The following CAMTA1 variants were observed in gnomAD, a reference collection of about 807,000 sequenced individuals.
The protein encoded by CAMTA1 is calmodulin binding transcription activator 1, also known as calmodulin-binding transcription activator 1.
A neutral mutation model predicts 170.9 loss-of-function variants in CAMTA1; 27 were observed. The ratio of observed to expected loss-of-function variants is 0.16; its 90% CI spans 0.12 to 0.22. CAMTA1 has a LOEUF of 0.22. CAMTA1 is among the 10% of genes least tolerant of loss of function. The probability of loss-of-function intolerance (pLI) is 1.00; values close to 1 mark genes in which losing one functional copy is unlikely to be tolerated. For missense variants in CAMTA1, 1,619 were observed against 2,217.2 expected (o/e 0.73, Z 5.42); for synonymous variants, 833 against 891.5 (o/e 0.93, Z 1.17).
intron 1 of CAMTA1, among the ~76,000 whole-genome samples, chr1:6,817,325 T>G (rs949761530): frequency 1.3e-5 from 2 of 152,236 alleles, no homozygotes; most frequent in Admixed American, 1.3e-4. Context: ...TAAGACATTA[T>G]TTTTAACATC....
At chr1:7,692,339 C>A (rs2096325309) in intron 11 of CAMTA1, among the ~76,000 whole-genome samples, 1 of 152,088 alleles carries the variant, frequency 6.6e-6, no homozygotes, top group Admixed American at 6.5e-5. Flanking sequence ...AAGCACTTTT[C>A]TTCCTGGAGC....
intron 5 of CAMTA1, among the ~76,000 whole-genome samples, chr1:7,256,538 C>T (rs1197325507): frequency 1.3e-5 from 2 of 151,870 alleles, no homozygotes; most frequent in Non-Finnish European, 2.9e-5. Context: ...CCAGCCTGGG[C>T]GACAGCGAGA....
chr1:6,789,127 G>C (rs1317229571), intron 1 of CAMTA1, among the ~76,000 whole-genome samples: 1 of 152,132 alleles, frequency 6.6e-6, no homozygotes, highest in Non-Finnish European at 1.5e-5. Context: ...TCATCATTGA[G>C]TGGATTCAAA....
intron 6 of CAMTA1, among the ~76,000 whole-genome samples, chr1:7,498,411 GTA>G (rs2093878749): frequency 1.3e-5 from 2 of 150,530 alleles, no homozygotes; most frequent in Non-Finnish European, 3.0e-5. Flanking sequence ...GTATGAGTGT[GTA>G]TGAGTGTGTG....
In CAMTA1 at chr1:7,249,951, G is replaced by A. The variant is rs1666369002; in HGVS notation, c.438+325G>A. The stretch of plus-strand genomic sequence containing the variant: ...TCTGGATGCATTGAGAGTTTGCAAA[G>A]TGTCAGGGAAGAGGGGAGGCAGCGT... On this transcript the variant is annotated intron_variant, in intron 5 of 22. Transcript: ENST00000303635. The surrounding 1 kb of genome is among the most constrained non-coding windows in gnomAD (Gnocchi z 4.4). 6.6e-6 allele frequency among the ~76,000 whole-genome samples: 1 copy of A among 152,164 alleles called. No individual in the cohort carries two copies. The highest frequency in any genetic ancestry group is 1.5e-5 in the Non-Finnish European group (1 of 68,032).
chr1:7,341,044 A>G (rs1557549614), intron 5 of CAMTA1, among the ~76,000 whole-genome samples: 1 of 152,234 alleles, frequency 6.6e-6, no homozygotes, highest in African/African-American at 2.4e-5. Flanking sequence ...AGGCCATGCC[A>G]AGACACAGCC....
intron 11 of CAMTA1, among the ~76,000 whole-genome samples, chr1:7,720,839 A>T (rs1050392300): frequency 6.6e-6 from 1 of 152,290 alleles, no homozygotes; most frequent in East Asian, 1.9e-4. Flanking sequence ...CTTAAAGCAG[A>T]TGGCAGCCAG....
chr1:7,110,586 A>T (rs907465125), intron 4 of CAMTA1, among the ~76,000 whole-genome samples: 3 of 152,216 alleles, frequency 2.0e-5, no homozygotes, highest in African/African-American at 7.2e-5. Context: ...TTTAATCAGC[A>T]ACCTGGGAGG....
At chr1:7,678,883 G>A (rs931535905) in intron 11 of CAMTA1, among the ~76,000 whole-genome samples, 1 of 152,228 alleles carries the variant, frequency 6.6e-6, no homozygotes, top group Non-Finnish European at 1.5e-5. Context: ...TTGGCTGCTG[G>A]AGGATTTCTG....
At chr1:7,700,747 A>C (rs894076344) in intron 11 of CAMTA1, 1 of 152,228 alleles carries the variant, frequency 6.6e-6, no homozygotes, top group African/African-American at 2.4e-5. Flanking sequence ...TCATTGGCTC[A>C]AGAAAGTCAC....
At chr1:7,411,383 C>T (rs2090730697) in intron 5 of CAMTA1, among the ~76,000 whole-genome samples, 1 of 152,110 alleles carries the variant, frequency 6.6e-6, no homozygotes, top group Non-Finnish European at 1.5e-5. Context: ...ACTGAAAACA[C>T]AAAAGATTAG....
At chr1:7,575,802 C>T (rs371617246) in intron 6 of CAMTA1, among the ~76,000 whole-genome samples, 9 of 152,054 alleles carry the variant, frequency 5.9e-5, no homozygotes, top group African/African-American at 1.9e-4. Flanking sequence ...TGGATGAGAC[C>T]CTGGGGAAGA....
chr1:6,884,607 A>G (rs768645130), intron 3 of CAMTA1, among the ~76,000 whole-genome samples: 18 of 152,196 alleles, frequency 1.2e-4, no homozygotes, highest in African/African-American at 2.2e-4. Flanking sequence ...TGCCTGCAGT[A>G]TCATAATTAA....
intron 11 of CAMTA1, among the ~76,000 whole-genome samples, chr1:7,696,511 A>T (rs1441873910): frequency 9.3e-6 from 1 of 107,384 alleles, no homozygotes; most frequent in Admixed American, 9.6e-5. Flanking sequence ...TTTTTTTTTA[A>T]AATAAATGTT....
At chr1:6,828,890 GTTT>G (rs1026284603) in intron 3 of CAMTA1, among the ~76,000 whole-genome samples, 1 of 101,994 alleles carries the variant, frequency 9.8e-6, no homozygotes, top group Non-Finnish European at 1.9e-5. Context: ...CTGTAACGTA[GTTT>G]TTTTTTTTTT....
chr1:6,927,320 A>G (rs920371243), intron 3 of CAMTA1, among the ~76,000 whole-genome samples: 1 of 152,212 alleles, frequency 6.6e-6, no homozygotes, highest in Non-Finnish European at 1.5e-5. Flanking sequence ...GGTGTGAGCC[A>G]CTGCACCCAG....
At chr1:7,468,878 A>G (rs1473695669) in intron 6 of CAMTA1, among the ~76,000 whole-genome samples, 2 of 152,186 alleles carry the variant, frequency 1.3e-5, no homozygotes, top group Admixed American at 6.5e-5. Context: ...CCCCAGTGCT[A>G]TGACACAAGC....
In CAMTA1 at chr1:7,038,730, GT is replaced by G. The variant is rs539706758; in HGVS notation, c.235-52573del. On this transcript the variant is annotated intron_variant, in intron 3 of 22. Coordinates refer to ENST00000303635, the MANE Select transcript of CAMTA1 (RefSeq NM_015215.4). Reference sequence around the variant, plus strand: ...TAGTTTTTATAACAATACAGATATTGTATGTACCCATTTATATAAATAACAA... The same window carrying G: ...TAGTTTTTATAACAATACAGATATTGATGTACCCATTTATATAAATAACAA... Among the ~76,000 whole-genome samples the G allele has an allele frequency of 4.6e-5, 7 of 152,152 alleles. No individual in the cohort carries two copies. In the South Asian group the frequency reaches 1.5e-3, roughly 32 times the overall value.
chr1:6,899,464 C>G (rs562700340), intron 3 of CAMTA1, among the ~76,000 whole-genome samples: 1 of 152,198 alleles, frequency 6.6e-6, no homozygotes, highest in African/African-American at 2.4e-5. Flanking sequence ...TCAGCAATCA[C>G]TTGCCTTGCA....
Sources: gnomAD v4.1 joint callset for allele counts (sites outside exome capture counted in the v4.1 genomes callset) on GRCh38, gnomAD v4.1.1 for gene constraint, Gnocchi (gnomAD v3.1) non-coding constraint, MANE v1.5 for transcripts, NCBI Gene and HGNC (gene_info 2026-07-23, HGNC 2026-07-21) for gene names.